Variants in ZCCHC3 observed in about 807,000 individuals in gnomAD.
ZCCHC3 encodes zinc finger CCHC-type containing 3.
Under a neutral mutation model 18.4 loss-of-function variants are expected in ZCCHC3, and 20 were observed. That is an observed-to-expected ratio of 1.09 (90% CI 0.76 to 1.58). The LOEUF (loss-of-function observed/expected upper bound fraction) is 1.58. Ranked by LOEUF, ZCCHC3 falls within the 40% of genes most tolerant of loss-of-function variation. The pLI, the probability that ZCCHC3 is intolerant of heterozygous loss-of-function variation, is 0.00. For synonymous variants in ZCCHC3, 310 were observed against 232.7 expected, an observed-to-expected ratio of 1.33 and a Z score of -3.02; for missense variants, 548 against 511.2, an observed-to-expected ratio of 1.07 and a Z score of -0.69.
chr20:298,824 C>A lies in ZCCHC3; in HGVS notation c.*26C>A, dbSNP rs541476404. ...ACACCCGCCTGCCTGCCAGGGTGAA[C>A]ACACAGCCAGCTTATCCCTCTTAAG... On this transcript the variant is annotated 3_prime_UTR_variant, in exon 1 of 1. Transcript: ENST00000500893. 1.3e-6 allele frequency: 2 copies of A among 1,497,618 alleles called. No homozygotes were observed. The highest frequency in any genetic ancestry group is 4.8e-5 in the Admixed American group (2 of 41,438). The allele number at this position is 1,497,618 out of a possible 1,614,324, so 92.8% of individuals were successfully genotyped here.
At position 297,704 on chromosome 20, in the gene ZCCHC3, T is replaced by C; in HGVS notation, c.118T>C (p.Trp40Arg). 7.3e-7 allele frequency: 1 copy of C among 1,371,492 alleles called. No homozygotes were observed. The highest frequency in any genetic ancestry group is 9.4e-7 in the Non-Finnish European group (1 of 1,061,444). 85.0% of individuals were successfully genotyped at this position (1,371,492 alleles called of 1,614,324 possible). A position where few individuals can be genotyped will look rare whatever the true frequency, so the allele number is the denominator to read the frequency against. Residue 40 changes from tryptophan (W) to arginine (R), a missense_variant, in exon 1 of 1, where the codon TGG (tryptophan) becomes CGG (arginine). Coordinates refer to ENST00000500893, the MANE Select transcript of ZCCHC3 (RefSeq NM_033089.7). ...EADGGREKMGWAQVVKNLAEK... is the reference protein window; with the variant it reads ...EADGGREKMGRAQVVKNLAEK... ...CGACGGCGGCCGCGAGAAGATGGGC[T>C]GGGCCCAGGTGGTGAAGAATCTAGC...
At position 298,483 on chromosome 20, in the gene ZCCHC3, C is replaced by T. The variant is rs1377967772; in HGVS notation, c.897C>T (p.Cys299=). 2 of 768,610 alleles carry T rather than the reference C, an allele frequency of 2.6e-6. No homozygotes were observed. The allele number at this position is 768,610 out of a possible 1,614,324, so 47.6% of individuals were successfully genotyped here. A position where few individuals can be genotyped will look rare whatever the true frequency, so the allele number is the denominator to read the frequency against. ...GGATCTGGACCGGGGAGTACAAATG[C>T]GAGATCGAGCTGCGCCAGGGGGAGG... ...RFGIWTGEYK[C]EIELRQGEGG... is the part of the protein sequence containing the mutation. Residue 299 remains cysteine (C), a synonymous_variant, in exon 1 of 1, where the codon TGC becomes TGT. Transcript: ENST00000500893.
Position 299,481 on chromosome 20 carries a change from A to G in ZCCHC3, c.*683A>G, listed in dbSNP as rs572359788. ...TTTGGTGGCTCAGAAGCCATTTTTT[A>G]TAGAATCATGGAATCTAGAATATTC... is the stretch of plus-strand genomic sequence containing the variant. On this transcript the variant is annotated 3_prime_UTR_variant, in exon 1 of 1. Coordinates refer to ENST00000500893, the MANE Select transcript of ZCCHC3 (RefSeq NM_033089.7). 12 of 167,194 alleles carry G rather than the reference A, an allele frequency of 7.2e-5. No individual in the cohort carries two copies. Among genetic ancestry groups the G allele is most frequent in the African/African-American group, 2.4e-4 (10 of 41,574 alleles). 10.4% of individuals were successfully genotyped at this position (167,194 alleles called of 1,614,324 possible). A position where few individuals can be genotyped will look rare whatever the true frequency, so the allele number is the denominator to read the frequency against.
chr20:297,990 C>CCCCGGCCAGG lies in ZCCHC3; in HGVS notation c.411_420dup (p.Glu141GlnfsTer16). On this transcript the variant is annotated frameshift_variant, in exon 1 of 1. Coordinates refer to ENST00000500893, the MANE Select transcript of ZCCHC3 (RefSeq NM_033089.7). LOFTEE classifies it high-confidence loss of function. ...GAGGCGGCGGCGGCCGCCATGGCGA[C>CCCCGGCCAGG]CCCGGCCAGGCCCGGCGAGGCCGAG... The CCCCGGCCAGG allele has an allele frequency of 7.5e-7, 1 of 1,327,754 alleles. No individual in the cohort carries two copies. Among genetic ancestry groups the CCCCGGCCAGG allele is most frequent in the Non-Finnish European group, 9.6e-7 (1 of 1,044,526 alleles). The allele number at this position is 1,327,754 out of a possible 1,614,324, so 82.2% of individuals were successfully genotyped here.
At position 298,287 on chromosome 20, in the gene ZCCHC3, A is replaced by ACC. The variant is rs2012681088; in HGVS notation, c.701_702insCC (p.Glu234AspfsTer20). The stretch of plus-strand genomic sequence containing the variant: ...CTACGCGTCTACGAGGAGAAGCGGG[A>ACC]GCAGGAGGACTGCTGGGAGAACTTT... On this transcript the variant is annotated frameshift_variant, in exon 1 of 1. Transcript: ENST00000500893. LOFTEE classifies it high-confidence loss of function. The ACC allele has an allele frequency of 1.2e-6, 1 of 829,106 alleles. No homozygotes were observed. The highest frequency in any genetic ancestry group is 2.2e-6 in the Non-Finnish European group (1 of 462,312). The allele number at this position is 829,106 out of a possible 1,614,324, so 51.4% of individuals were successfully genotyped here.
rs1028399989 is a variant in ZCCHC3, at chr20:299,703, C to T, written c.*905C>T. ...TCACACTTCACAACAATTTCCTCAA[C>T]ACTTGAGGGCCCAGAAAGTCTGATC... is the stretch of plus-strand genomic sequence containing the variant. On this transcript the variant is annotated 3_prime_UTR_variant, in exon 1 of 1. Coordinates refer to ENST00000500893, the MANE Select transcript of ZCCHC3 (RefSeq NM_033089.7). 3 of 167,172 alleles carry T rather than the reference C, an allele frequency of 1.8e-5. No homozygotes were observed. Among genetic ancestry groups the T allele is most frequent in the African/African-American group, 7.2e-5 (3 of 41,448 alleles). 10.4% of individuals were successfully genotyped at this position (167,172 alleles called of 1,614,324 possible). A position where few individuals can be genotyped will look rare whatever the true frequency, so the allele number is the denominator to read the frequency against.
In ZCCHC3 at chr20:298,191, C is replaced by A; in HGVS notation, c.605C>A (p.Ala202Glu). 2 of 1,378,904 alleles carry A rather than the reference C, an allele frequency of 1.5e-6. No individual in the cohort carries two copies. The highest frequency in any genetic ancestry group is 2.1e-6 in the Non-Finnish European group (2 of 965,288). The allele number at this position is 1,378,904 out of a possible 1,614,324, so 85.4% of individuals were successfully genotyped here. Residue 202 changes from alanine (A) to glutamate (E), a missense_variant, in exon 1 of 1, where the codon GCG becomes GAG. Transcript: ENST00000500893. ...GGCATGGACCCGAGCGACATCTACG[C>A]GGTCATCCAGATCCCGGGCAGCCGC... The part of the protein sequence containing the change: ...SIGMDPSDIY[A>E]VIQIPGSREF...
In ZCCHC3 at chr20:297,651, C is replaced by T; in HGVS notation, c.65C>T (p.Ala22Val). 1.5e-6 allele frequency: 2 copies of T among 1,367,658 alleles called. No homozygotes were observed. The highest frequency in any genetic ancestry group is 1.7e-5 in the South Asian group (1 of 57,564). The allele number at this position is 1,367,658 out of a possible 1,614,324, so 84.7% of individuals were successfully genotyped here. The stretch of plus-strand genomic sequence containing the variant: ...GGGCGGCCGCAGCTTCTGCCCCCCG[C>T]GCGGCCCGCGGCCCGGGGCGAGGAG... ...KRGRPQLLPP[A>V]RPAARGEEAD... The change falls in exon 1 of 1, where the codon GCG becomes GTG. Residue 22 changes from alanine to valine, a missense_variant. Coordinates refer to ENST00000500893, the MANE Select transcript of ZCCHC3 (RefSeq NM_033089.7).
At position 298,269 on chromosome 20, in the gene ZCCHC3, T is replaced by G; in HGVS notation, c.683T>G (p.Val228Gly). 1 of 867,024 alleles carries G rather than the reference T, an allele frequency of 1.2e-6. No individual in the cohort carries two copies. Among genetic ancestry groups the G allele is most frequent in the Non-Finnish European group, 2.0e-6 (1 of 496,844 alleles). 53.7% of individuals were successfully genotyped at this position (867,024 alleles called of 1,614,324 possible). ...GAGAAGCTGGCCCTGTTCCTACGCGTCTACGAGGAGAAGCGGGAGCAGGAG... is the reference window on the plus strand; with the variant it reads ...GAGAAGCTGGCCCTGTTCCTACGCGGCTACGAGGAGAAGCGGGAGCAGGAG... Reference protein sequence around the residue: ...SAEKLALFLRVYEEKREQEDC... With the variant: ...SAEKLALFLRGYEEKREQEDC... Residue 228 changes from valine (V) to glycine (G), a missense_variant, in exon 1 of 1, where the codon GTC becomes GGC. Transcript: ENST00000500893.
rs1486942678 is a variant in ZCCHC3 at position 298,763 on chromosome 20, G to A, written c.1177G>A (p.Val393Met). The change falls in exon 1 of 1, where the codon GTG (valine) becomes ATG (methionine). Residue 393 changes from valine to methionine, a missense_variant. By Grantham distance (21) the Val-to-Met change is conservative (BLOSUM62 1). Transcript: ENST00000500893. The stretch of plus-strand genomic sequence containing the variant: ...GTGTCCCAAAGCAGTGCACAATTCC[G>A]TGGCAGCTCAGCTAACCGGCGTGGC... ...AQCPKAVHNS[V>M]AAQLTGVAGH 2.6e-6 allele frequency: 4 copies of A among 1,531,764 alleles called. No individual in the cohort carries two copies. The highest frequency in any genetic ancestry group is 1.4e-5 in the African/African-American group (1 of 72,676). 94.9% of individuals were successfully genotyped at this position (1,531,764 alleles called of 1,614,324 possible).
At position 297,682 on chromosome 20, in the gene ZCCHC3, C is replaced by G. The variant is rs1600196634; in HGVS notation, c.96C>G (p.Asp32Glu). Residue 32 changes from aspartate (D) to glutamate (E), a missense_variant, in exon 1 of 1, where the codon GAC becomes GAG. Coordinates refer to ENST00000500893, the MANE Select transcript of ZCCHC3 (RefSeq NM_033089.7). ...ARPAARGEEA[D>E]GGREKMGWAQ... The stretch of plus-strand genomic sequence containing the variant: ...CCGCGGCCCGGGGCGAGGAGGCCGA[C>G]GGCGGCCGCGAGAAGATGGGCTGGG... 1 of 1,362,880 alleles carries G rather than the reference C, an allele frequency of 7.3e-7. No individual in the cohort carries two copies. The highest frequency in any genetic ancestry group is 9.5e-7 in the Non-Finnish European group (1 of 1,055,590). 84.4% of individuals were successfully genotyped at this position (1,362,880 alleles called of 1,614,324 possible).
Position 298,077 on chromosome 20 carries a change from G to T in ZCCHC3, c.491G>T (p.Arg164Leu), listed in dbSNP as rs1312467113. Residue 164 changes from arginine (R) to leucine (L), a missense_variant, in exon 1 of 1, where the codon CGC becomes CTC. Arg to Leu is a moderately radical substitution (Grantham distance 102). Coordinates refer to ENST00000500893, the MANE Select transcript of ZCCHC3 (RefSeq NM_033089.7). Reference sequence around the variant, plus strand: ...GCGGCGGCAGGCCCGGGCAAGGGTCGCTTCCTCGTCCGCATCTGTTTCCAG... The same window carrying T: ...GCGGCGGCAGGCCCGGGCAAGGGTCTCTTCCTCGTCCGCATCTGTTTCCAG... ...PAAAAGPGKGRFLVRICFQGD... is the reference protein window; with the variant it reads ...PAAAAGPGKGLFLVRICFQGD... 1 of 1,557,480 alleles carries T rather than the reference G, an allele frequency of 6.4e-7. No homozygotes were observed.
At position 297,954 on chromosome 20, in the gene ZCCHC3, G is replaced by A; in HGVS notation, c.368G>A (p.Arg123Lys). ...AAGGGCGCTGCGGAGGCGGGCAGGA[G>A]GAAGAAGGCCGAGGCGGCGGCGGCC... The part of the protein sequence containing the change: ...KKKGAAEAGR[R>K]KKAEAAAAAM... The change falls in exon 1 of 1, where the codon AGG becomes AAG. Residue 123 changes from arginine to lysine, a missense_variant. By Grantham distance (26) the Arg-to-Lys change is conservative. Coordinates refer to ENST00000500893, the MANE Select transcript of ZCCHC3 (RefSeq NM_033089.7). 1 of 1,299,478 alleles carries A rather than the reference G, an allele frequency of 7.7e-7. No homozygotes were observed. Among genetic ancestry groups the A allele is most frequent in the African/African-American group, 1.6e-5 (1 of 64,318 alleles). The allele number at this position is 1,299,478 out of a possible 1,614,324, so 80.5% of individuals were successfully genotyped here. A position where few individuals can be genotyped will look rare whatever the true frequency, so the allele number is the denominator to read the frequency against.
Position 298,195 on chromosome 20 carries a change from C to G in ZCCHC3, c.609C>G (p.Val203=). ...TGGACCCGAGCGACATCTACGCGGT[C>G]ATCCAGATCCCGGGCAGCCGCGAAT... The part of the protein sequence containing the change: ...IGMDPSDIYA[V]IQIPGSREFD... Residue 203 remains valine, a synonymous_variant, in exon 1 of 1, where the codon GTC becomes GTG. Coordinates refer to ENST00000500893, the MANE Select transcript of ZCCHC3 (RefSeq NM_033089.7). The G allele has an allele frequency of 7.4e-7, 1 of 1,349,014 alleles. No individual in the cohort carries two copies. The highest frequency in any genetic ancestry group is 1.2e-5 in the South Asian group (1 of 85,978). 83.6% of individuals were successfully genotyped at this position (1,349,014 alleles called of 1,614,324 possible).
chr20:298,001 C>T lies in ZCCHC3; in HGVS notation c.415C>T (p.Pro139Ser). ...AAAAMATPARPGEAEDAAERP... is the reference protein window; with the variant it reads ...AAAAMATPARSGEAEDAAERP... ...GGCCGCCATGGCGACCCCGGCCAGG[C>T]CCGGCGAGGCCGAGGACGCGGCCGA... The change falls in exon 1 of 1, where the codon CCC becomes TCC. Residue 139 changes from proline (P) to serine (S), a missense_variant. Coordinates refer to ENST00000500893, the MANE Select transcript of ZCCHC3 (RefSeq NM_033089.7). 1 of 1,378,950 alleles carries T rather than the reference C, an allele frequency of 7.3e-7. No homozygotes were observed. The highest frequency in any genetic ancestry group is 1.7e-5 in the South Asian group (1 of 59,452). 85.4% of individuals were successfully genotyped at this position (1,378,950 alleles called of 1,614,324 possible). A position where few individuals can be genotyped will look rare whatever the true frequency, so the allele number is the denominator to read the frequency against.
In ZCCHC3 at chr20:297,974, G is replaced by T; in HGVS notation, c.388G>T (p.Ala130Ser). The T allele has an allele frequency of 7.7e-7, 1 of 1,306,064 alleles. No homozygotes were observed. 80.9% of individuals were successfully genotyped at this position (1,306,064 alleles called of 1,614,324 possible). Residue 130 changes from alanine to serine, a missense_variant, in exon 1 of 1, where the codon GCG (alanine) becomes TCG (serine). Transcript: ENST00000500893. The part of the protein sequence containing the change: ...AGRRKKAEAA[A>S]AAMATPARPG... ...CAGGAGGAAGAAGGCCGAGGCGGCG[G>T]CGGCCGCCATGGCGACCCCGGCCAG...
chr20:297,721 G>T lies in ZCCHC3; in HGVS notation c.135G>T (p.Lys45Asn). ...AGATGGGCTGGGCCCAGGTGGTGAA[G>T]AATCTAGCCGAGAAGAAGGGCGAAT... is the stretch of plus-strand genomic sequence containing the variant. ...REKMGWAQVVKNLAEKKGEFR... is the reference protein window; with the variant it reads ...REKMGWAQVVNNLAEKKGEFR... Residue 45 changes from lysine to asparagine, a missense_variant, in exon 1 of 1, where the codon AAG becomes AAT. Lys to Asn is a moderately conservative substitution (Grantham distance 94). Coordinates refer to ENST00000500893, the MANE Select transcript of ZCCHC3 (RefSeq NM_033089.7). 1 of 1,373,190 alleles carries T rather than the reference G, an allele frequency of 7.3e-7. No homozygotes were observed. The highest frequency in any genetic ancestry group is 9.4e-7 in the Non-Finnish European group (1 of 1,060,970). The allele number at this position is 1,373,190 out of a possible 1,614,324, so 85.1% of individuals were successfully genotyped here.
In ZCCHC3 at chr20:300,315, G is replaced by A. The variant is rs2012724232; in HGVS notation, c.*1517G>A. ...TGAATAAATATTTATCTTTTGTATT[G>A]CTAAAACTGGTGCACTATTTCCTTT... On this transcript the variant is annotated 3_prime_UTR_variant, in exon 1 of 1. Transcript: ENST00000500893. 6.0e-6 allele frequency: 1 copy of A among 166,622 alleles called. No individual in the cohort carries two copies. The highest frequency in any genetic ancestry group is 1.5e-5 in the Non-Finnish European group (1 of 68,094). The allele number at this position is 166,622 out of a possible 1,614,324, so 10.3% of individuals were successfully genotyped here. A position where few individuals can be genotyped will look rare whatever the true frequency, so the allele number is the denominator to read the frequency against.
rs150607885 is a variant in ZCCHC3, at chr20:300,010, C to T, written c.*1212C>T. ...CAAAGGTTTACATTTGCACCTTAGC[C>T]TCAATAGCTACGAACCCTAGAGAAG... On this transcript the variant is annotated 3_prime_UTR_variant, in exon 1 of 1. Transcript: ENST00000500893. 2.5e-3 allele frequency: 413 copies of T among 167,220 alleles called. 2 individuals carry two copies. Among genetic ancestry groups the T allele is most frequent in the Admixed American group, 6.7e-3 (102 of 15,308 alleles). 10.4% of individuals were successfully genotyped at this position (167,220 alleles called of 1,614,324 possible). A position where few individuals can be genotyped will look rare whatever the true frequency, so the allele number is the denominator to read the frequency against.
Sources: gnomAD v4.1 joint callset for allele counts on GRCh38, gnomAD v4.1.1 for gene constraint, MANE v1.5 for transcripts, NCBI Gene and HGNC (gene_info 2026-07-23, HGNC 2026-07-21) for gene names.